Variants in NRXN1 observed in about 807,000 individuals in gnomAD.
The protein encoded by NRXN1 is neurexin-1.
Under a neutral mutation model 150.9 loss-of-function variants are expected in NRXN1, and 39 were observed. The observed-to-expected ratio is 0.26, with a 90% CI of 0.20 to 0.34. The LOEUF (loss-of-function observed/expected upper bound fraction) is 0.34. Among genes scored for constraint, NRXN1 ranks in the 10% least tolerant of loss-of-function variants. The pLI is 1.00. For synonymous variants in NRXN1, 924 were observed against 757.0 expected (o/e 1.22, Z -3.62); for missense variants, 1,815 against 1,949.9 (o/e 0.93, Z 1.30).
chr2:50,557,001 C>T (rs888091526), intron 8 of NRXN1, among the ~76,000 whole-genome samples: 1 of 152,136 alleles, frequency 6.6e-6, no homozygotes, highest in Non-Finnish European at 1.5e-5. Context: ...TCTCCTGTTG[C>T]AATTTTTGAT....
intron 8 of NRXN1, among the ~76,000 whole-genome samples, chr2:50,580,581 A>C (rs996714696): frequency 2.0e-5 from 3 of 152,240 alleles, no homozygotes; most frequent in African/African-American, 7.2e-5. Context: ...AGATGCTGGA[A>C]CAGAGAGCTA....
intron 19 of NRXN1, among the ~76,000 whole-genome samples, chr2:50,089,879 C>G (rs1037608038): frequency 6.6e-6 from 1 of 152,040 alleles, no homozygotes; most frequent in African/African-American, 2.4e-5. Context: ...CTGGGATTAG[C>G]AGGGGCTATG....
intron 17 of NRXN1, among the ~76,000 whole-genome samples, chr2:50,418,426 G>A (rs920928444): frequency 2.6e-5 from 4 of 152,018 alleles, no homozygotes; most frequent in African/African-American, 9.7e-5. Context: ...TCATAAATGT[G>A]TATTACAGAT....
At position 50,873,577 on chromosome 2, in the gene NRXN1, G is replaced by C. The variant is rs1488558732; in HGVS notation, c.832+48292C>G. Among the ~76,000 whole-genome samples, 3 of 151,638 alleles carry C rather than the reference G, an allele frequency of 2.0e-5. No individual in the cohort carries two copies. The East Asian group carries it at 5.9e-4, about 30-fold the overall frequency. On this transcript the variant is annotated intron_variant, in intron 5 of 22. Transcript: ENST00000401669. ...AGTTATTTTTCATTTTGGGCGGGGT[G>C]GTTTATGCTCTGAATTAACCATGAG...
intron 15 of NRXN1, among the ~76,000 whole-genome samples, chr2:50,493,099 G>C (rs1266943470): frequency 6.6e-6 from 1 of 152,182 alleles, no homozygotes. Flanking sequence ...GCAGGATGGA[G>C]AGTAAATCTG....
intron 5 of NRXN1, among the ~76,000 whole-genome samples, chr2:50,894,353 T>G (rs569054600): frequency 8.6e-5 from 13 of 151,146 alleles, no homozygotes; most frequent in African/African-American, 2.9e-4. Context: ...TGACTCATTC[T>G]CAGAATAAAA....
chr2:50,599,307 C>T (rs1321663255), intron 8 of NRXN1, among the ~76,000 whole-genome samples: 1 of 152,082 alleles, frequency 6.6e-6, no homozygotes, highest in Non-Finnish European at 1.5e-5. Context: ...AAAAATTCAG[C>T]CCTTACAAAA....
At chr2:50,958,411 G>T (rs1268061964) in intron 2 of NRXN1, among the ~76,000 whole-genome samples, 1 of 152,012 alleles carries the variant, frequency 6.6e-6, no homozygotes, top group African/African-American at 2.4e-5. Flanking sequence ...TTACAAATTA[G>T]TAATTTGCAT....
chr2:50,798,356 T>C (rs1384199055), intron 5 of NRXN1, among the ~76,000 whole-genome samples: 1 of 152,184 alleles, frequency 6.6e-6, no homozygotes, highest in Non-Finnish European at 1.5e-5. Flanking sequence ...GAAATTGCTT[T>C]TTAAGTCTGC....
chr2:50,998,102 G>A (rs1334735266), intron 2 of NRXN1, among the ~76,000 whole-genome samples: 1 of 141,106 alleles, frequency 7.1e-6, no homozygotes, highest in African/African-American at 3.0e-5. Context: ...AGTCTTTCCA[G>A]GTTTTCTGAC....
chr2:50,233,339 T>C (rs139721467), intron 18 of NRXN1, among the ~76,000 whole-genome samples: 1 of 152,040 alleles, frequency 6.6e-6, no homozygotes, highest in Admixed American at 6.6e-5. Context: ...CTGGGCCACC[T>C]GACTCAAAAA....
chr2:51,025,254 G>A lies in NRXN1; in HGVS notation c.772+2248C>T, dbSNP rs183756591. Among the ~76,000 whole-genome samples the A allele has an allele frequency of 9.7e-4, 147 of 152,244 alleles. 2 individuals carry two copies. The highest frequency in any genetic ancestry group is 8.8e-3 in the Admixed American group (135 of 15,306). ...AGAATCCTAATGGATTTGCTATTCT[G>A]AGTTGAATTATCCTATGTACCAGGC... On this transcript the variant is annotated intron_variant, in intron 2 of 22. Transcript: ENST00000401669.
At chr2:50,703,175 A>C (rs1301319951) in intron 5 of NRXN1, among the ~76,000 whole-genome samples, 1 of 152,140 alleles carries the variant, frequency 6.6e-6, no homozygotes, top group African/African-American at 2.4e-5. Flanking sequence ...CCTAAGGACA[A>C]ACAGTTATAA....
chr2:49,922,980 A>C (rs1045719234), intron 22 of NRXN1, among the ~76,000 whole-genome samples: 2 of 152,154 alleles, frequency 1.3e-5, no homozygotes, highest in African/African-American at 4.8e-5. Context: ...TTTTTGGTCA[A>C]AACTCTGAAC....
chr2:50,842,325 T>TAACAATTA (rs1174746198), intron 5 of NRXN1, among the ~76,000 whole-genome samples: 1 of 152,188 alleles, frequency 6.6e-6, no homozygotes, highest in Non-Finnish European at 1.5e-5. Flanking sequence ...AAACATAGGC[T>TAACAATTA]AACAATTAAT....
chr2:50,341,742 C>T (rs893397731), intron 17 of NRXN1, among the ~76,000 whole-genome samples: 1 of 152,136 alleles, frequency 6.6e-6, no homozygotes, highest in African/African-American at 2.4e-5. Flanking sequence ...AAAATATATG[C>T]AGCAACTTGG....
At chr2:50,412,386 CT>C (rs2083257359) in intron 17 of NRXN1, among the ~76,000 whole-genome samples, 3 of 151,564 alleles carry the variant, frequency 2.0e-5, no homozygotes. Context: ...AATTCTCTCC[CT>C]TTTAAAATAC....
chr2:49,960,074 T>A (rs1425380558), intron 21 of NRXN1, among the ~76,000 whole-genome samples: 1 of 152,210 alleles, frequency 6.6e-6, no homozygotes, highest in African/African-American at 2.4e-5. Context: ...GCCTTCTTTT[T>A]TTGTTTCATA....
intron 5 of NRXN1, among the ~76,000 whole-genome samples, chr2:50,654,429 T>C (rs1360212578): frequency 1.3e-5 from 2 of 151,960 alleles, no homozygotes; most frequent in African/African-American, 4.8e-5. Context: ...TAGTCTATCA[T>C]TGTTGGACAT....
Sources: allele counts gnomAD v4.1 joint callset (sites outside exome capture counted in the v4.1 genomes callset), GRCh38; gene constraint gnomAD v4.1.1; transcripts MANE v1.5; gene names NCBI Gene and HGNC (gene_info 2026-07-23, HGNC 2026-07-21).